The following SLC13A1 variants were observed in gnomAD, a reference collection of about 807,000 sequenced individuals.
SLC13A1 encodes the protein Na(+)/sulfate cotransporter.
Under a neutral mutation model 70.0 loss-of-function variants are expected in SLC13A1, and 65 were observed. The observed-to-expected ratio is 0.93, with a 90% CI of 0.76 to 1.14. SLC13A1 has a LOEUF of 1.14. Ranked by LOEUF, SLC13A1 falls within the 50% of genes most tolerant of loss-of-function variation. The pLI is 0.00. For missense variants in SLC13A1, 726 were observed against 717.8 expected (o/e 1.01, Z -0.13); for synonymous variants, 275 against 250.5 (o/e 1.10, Z -0.92).
At chr7:123,162,385 G>A (rs1252683973) in intron 6 of SLC13A1, among the ~76,000 whole-genome samples, 1 of 152,110 alleles carries the variant, frequency 6.6e-6, no homozygotes, top group Non-Finnish European at 1.5e-5. Flanking sequence ...AATCTGGAGT[G>A]AGGTCACGTT....
chr7:123,141,018 T>G (rs1794117205), intron 7 of SLC13A1, among the ~76,000 whole-genome samples: 1 of 152,044 alleles, frequency 6.6e-6, no homozygotes, highest in East Asian at 1.9e-4. Flanking sequence ...TTGAAGTTTT[T>G]CTTTTTTTTT....
chr7:123,116,651 C>T (rs930526532), intron 14 of SLC13A1, among the ~76,000 whole-genome samples: 4 of 152,090 alleles, frequency 2.6e-5, no homozygotes, highest in South Asian at 2.1e-4. Context: ...CTATTATGCA[C>T]GTTTTCCTTA....
At chr7:123,139,547 A>G (rs1291658905) in intron 7 of SLC13A1, among the ~76,000 whole-genome samples, 1 of 152,068 alleles carries the variant, frequency 6.6e-6, no homozygotes, top group Non-Finnish European at 1.5e-5. Context: ...ATCCATGAAC[A>G]TGAAATATCT....
intron 6 of SLC13A1, among the ~76,000 whole-genome samples, chr7:123,158,063 C>T (rs1295747825): frequency 1.3e-5 from 2 of 151,830 alleles, no homozygotes; most frequent in African/African-American, 2.4e-5. Context: ...CAACATAGGA[C>T]TTAAAGAATT....
At chr7:123,162,888 A>G (rs1203106956) in intron 6 of SLC13A1, among the ~76,000 whole-genome samples, 1 of 152,140 alleles carries the variant, frequency 6.6e-6, no homozygotes, top group African/African-American at 2.4e-5. Flanking sequence ...GGATATTTTT[A>G]CTTTGAACTT....
intron 2 of SLC13A1, among the ~76,000 whole-genome samples, chr7:123,175,966 T>C (rs1795434384): frequency 1.3e-5 from 2 of 152,200 alleles, no homozygotes; most frequent in Non-Finnish European, 2.9e-5. Flanking sequence ...TAGACTTTTT[T>C]GGCCATATGG....
rs1038910690 is a variant in SLC13A1 at position 123,160,186 on chromosome 7, G to A, written c.660+8188C>T. On this transcript the variant is annotated intron_variant, in intron 6 of 14. Transcript: ENST00000194130. ...CTCAGGAGGCTGAGGCAGGAGAATC[G>A]CTTGAACCCAGGAGGCGGAGGTTGC... 6.0e-5 allele frequency among the ~76,000 whole-genome samples: 9 copies of A among 150,824 alleles called. 1 individual carries two copies. In the East Asian group the frequency reaches 7.9e-4, roughly 13 times the overall value.
chr7:123,163,335 TC>T (rs1387977455), intron 6 of SLC13A1, among the ~76,000 whole-genome samples: 1 of 152,096 alleles, frequency 6.6e-6, no homozygotes, highest in Non-Finnish European at 1.5e-5. Flanking sequence ...TGGTAACTAT[TC>T]ACCACTTTAT....
chr7:123,129,787 GAA>G (rs965394682), intron 8 of SLC13A1, among the ~76,000 whole-genome samples: 14 of 152,112 alleles, frequency 9.2e-5, no homozygotes, highest in African/African-American at 3.4e-4. Flanking sequence ...TGTACCATTG[GAA>G]TTTTGCCATG....
chr7:123,166,746 A>G (rs1368536768), intron 6 of SLC13A1, among the ~76,000 whole-genome samples: 5 of 152,150 alleles, frequency 3.3e-5, no homozygotes, highest in Admixed American at 3.3e-4. Context: ...GCTGCATAGT[A>G]TTCCATGGTG....
intron 14 of SLC13A1, 131 bp downstream of exon 14, chr7:123,117,340 G>GAATACA: frequency 1.2e-6 from 1 of 826,208 alleles, no homozygotes; most frequent in South Asian, 1.7e-5. Flanking sequence ...CATGCACACT[G>GAATACA]CATTCATAAA....
chr7:123,156,683 T>A (rs1316446629), intron 6 of SLC13A1, among the ~76,000 whole-genome samples: 1 of 152,184 alleles, frequency 6.6e-6, no homozygotes, highest in Non-Finnish European at 1.5e-5. Context: ...ATTTTTTTTA[T>A]AATGGATTCT....
chr7:123,117,419 C>A (rs1793214671), intron 14 of SLC13A1, 52 bp downstream of exon 14: 1 of 1,554,672 alleles, frequency 6.4e-7, no homozygotes, highest in South Asian at 1.1e-5. Flanking sequence ...CAAGACATGG[C>A]ACACACCAAG....
chr7:123,129,697 G>A (rs1015768209), intron 8 of SLC13A1, among the ~76,000 whole-genome samples: 1 of 151,862 alleles, frequency 6.6e-6, no homozygotes, highest in Non-Finnish European at 1.5e-5. Flanking sequence ...TGCCTGGTTT[G>A]CTCACTTTTT....
At chr7:123,127,650 T>C (rs1793604527) in intron 10 of SLC13A1, among the ~76,000 whole-genome samples, 1 of 152,018 alleles carries the variant, frequency 6.6e-6, no homozygotes, top group Non-Finnish European at 1.5e-5. Context: ...AAGCTGATGC[T>C]TTAAAACACA....
chr7:123,183,249 T>C (rs1302803399), intron 1 of SLC13A1, among the ~76,000 whole-genome samples: 1 of 152,138 alleles, frequency 6.6e-6, no homozygotes, highest in African/African-American at 2.4e-5. Flanking sequence ...GTGTTATAAG[T>C]CTATGTGCTT....
chr7:123,189,069 C>T (rs1795910997), intron 1 of SLC13A1, among the ~76,000 whole-genome samples: 2 of 145,490 alleles, frequency 1.4e-5, no homozygotes, highest in Non-Finnish European at 3.0e-5. Context: ...GAGCCGAGAT[C>T]CCGCCACTGC....
chr7:123,180,965 G>C lies in SLC13A1; in HGVS notation c.228+8C>G, dbSNP rs776203242. 3.1e-6 allele frequency: 5 copies of C among 1,607,508 alleles called. No homozygotes were observed. The highest frequency in any genetic ancestry group is 2.7e-5 in the African/African-American group (2 of 74,618). On this transcript the variant is annotated splice_region_variant and intron_variant, in intron 2 of 14. Transcript: ENST00000194130. ...AAATCAACTTATGACATTGGCAAGA[G>C]GACTTACCTTCTTAGAAGGCATGAT...
At position 123,168,506 on chromosome 7, in the gene SLC13A1, T is replaced by C. The variant is rs941185951; in HGVS notation, c.609A>G (p.Pro203=). 1.2e-6 allele frequency: 2 copies of C among 1,610,064 alleles called. No homozygotes were observed. The highest frequency in any genetic ancestry group is 2.7e-5 in the African/African-American group (2 of 74,828). Residue 203 remains proline, a splice_region_variant and synonymous_variant, in exon 5 of 15, where the codon CCA becomes CCG. Coordinates refer to ENST00000194130, the MANE Select transcript of SLC13A1 (RefSeq NM_022444.4). ...ATCAAAATGTCAGTATTCCTTACCCTGGAACTGGTTTTGTTTTCTCTTTCC... is the reference window on the plus strand; with the variant it reads ...ATCAAAATGTCAGTATTCCTTACCCCGGAACTGGTTTTGTTTTCTCTTTCC... ...NERKEKTKPV[P]GYNNDTGKIS...
Sources: gnomAD v4.1 joint callset for allele counts (sites outside exome capture counted in the v4.1 genomes callset) on GRCh38, gnomAD v4.1.1 for gene constraint, MANE v1.5 for transcripts, NCBI Gene and HGNC (gene_info 2026-07-23, HGNC 2026-07-21) for gene names.